QSOX1: variants seen among roughly 807,000 people sequenced by gnomAD.
The protein encoded by QSOX1 is quiescin sulfhydryl oxidase 1.
In QSOX1, 40 loss-of-function variants were observed where a neutral mutation model predicts 76.1. The observed-to-expected ratio is 0.53, with a 90% CI of 0.41 to 0.68. The LOEUF (loss-of-function observed/expected upper bound fraction) is 0.68. Among genes scored for constraint, QSOX1 ranks in the 30% least tolerant of loss-of-function variants. The probability of loss-of-function intolerance (pLI) is 0.00; values close to 1 mark genes in which losing one functional copy is unlikely to be tolerated. For synonymous variants in QSOX1, 392 were observed against 413.1 expected (o/e 0.95, Z 0.62); for missense variants, 931 against 974.3 (o/e 0.96, Z 0.59).
intron 1 of QSOX1, among the ~76,000 whole-genome samples, chr1:180,160,986 G>A (rs1662481661): frequency 6.6e-6 from 1 of 152,046 alleles, no homozygotes; most frequent in Non-Finnish European, 1.5e-5. Flanking sequence ...TGATCAACAA[G>A]GCTACAATCT....
In QSOX1 at chr1:180,167,985, C is replaced by A. The variant is rs569054378; in HGVS notation, c.366+1394C>A. Among the ~76,000 whole-genome samples, 4 of 152,322 alleles carry A rather than the reference C, an allele frequency of 2.6e-5. No homozygotes were observed. The East Asian group carries it at 7.7e-4, about 29-fold the overall frequency. On this transcript the variant is annotated intron_variant, in intron 2 of 11. Transcript: ENST00000367602. ...TCATTCACAGGCTGATATTTTTCTC[C>A]CAGTGAGCATGAGCCGCAGGGGTGC...
At chr1:180,162,692 C>T (rs1048862038) in intron 1 of QSOX1, among the ~76,000 whole-genome samples, 4 of 151,972 alleles carry the variant, frequency 2.6e-5, no homozygotes, top group South Asian at 2.1e-4. Context: ...GAGCCACGAT[C>T]GCACCACTGC....
chr1:180,184,903 A>G (rs1464998292), intron 7 of QSOX1, among the ~76,000 whole-genome samples: 1 of 152,220 alleles, frequency 6.6e-6, no homozygotes, highest in Non-Finnish European at 1.5e-5. Flanking sequence ...GGGTGGTGTA[A>G]TCATTATGAT....
chr1:180,155,099 G>T lies in QSOX1; in HGVS notation c.192G>T (p.Glu64Asp). The T allele has an allele frequency of 6.6e-7, 1 of 1,523,780 alleles. No individual in the cohort carries two copies. The allele number at this position is 1,523,780 out of a possible 1,614,324, so 94.4% of individuals were successfully genotyped here. A position where few individuals can be genotyped will look rare whatever the true frequency, so the allele number is the denominator to read the frequency against. ...GCTCCCGCAGCGCCTGGGCCGTGGA[G>T]TTCTTCGCCTCCTGGTGCGGCCACT... ...VLGSRSAWAV[E>D]FFASWCGHCI... Residue 64 changes from glutamate (E) to aspartate (D), a missense_variant, in exon 1 of 12, where the codon GAG becomes GAT. Coordinates refer to ENST00000367602, the MANE Select transcript of QSOX1 (RefSeq NM_002826.5).
intron 2 of QSOX1, among the ~76,000 whole-genome samples, chr1:180,167,448 G>A (rs553336658): frequency 1.3e-5 from 2 of 152,306 alleles, no homozygotes; most frequent in Non-Finnish European, 2.9e-5. Context: ...CCTGGAACAA[G>A]ATACCTCTGA....
At chr1:180,167,875 C>T (rs935675107) in intron 2 of QSOX1, among the ~76,000 whole-genome samples, 1 of 152,224 alleles carries the variant, frequency 6.6e-6, no homozygotes, top group African/African-American at 2.4e-5. Context: ...AATATTCAAA[C>T]AGGGCACTCT....
At chr1:180,169,473 A>G (rs753588265) in intron 2 of QSOX1, among the ~76,000 whole-genome samples, 1 of 152,196 alleles carries the variant, frequency 6.6e-6, no homozygotes, top group African/African-American at 2.4e-5. Flanking sequence ...AAAGTCACTT[A>G]TCAGTGCCCC....
At chr1:180,155,591 G>T (rs1159405520) in intron 1 of QSOX1, among the ~76,000 whole-genome samples, 1 of 152,160 alleles carries the variant, frequency 6.6e-6, no homozygotes, top group Non-Finnish European at 1.5e-5. Context: ...TTCCTGCCAG[G>T]TTCCCTAGCT....
At chr1:180,167,000 G>A (rs775548698) in intron 2 of QSOX1, among the ~76,000 whole-genome samples, 9 of 152,370 alleles carry the variant, frequency 5.9e-5, no homozygotes, top group Middle Eastern at 3.4e-3. Flanking sequence ...CAGAATGTCA[G>A]TGCCTCAGGC....
At position 180,154,972 on chromosome 1, in the gene QSOX1, T is replaced by C; in HGVS notation, c.65T>C (p.Leu22Pro). 6.6e-7 allele frequency: 1 copy of C among 1,505,994 alleles called. No homozygotes were observed. Among genetic ancestry groups the C allele is most frequent in the Non-Finnish European group, 8.8e-7 (1 of 1,135,166 alleles). The allele number at this position is 1,505,994 out of a possible 1,614,324, so 93.3% of individuals were successfully genotyped here. The change falls in exon 1 of 12, where the codon CTC becomes CCC. Residue 22 changes from leucine to proline, a missense_variant. Physicochemically the swap from Leu to Pro is moderately conservative, Grantham distance 98. Coordinates refer to ENST00000367602, the MANE Select transcript of QSOX1 (RefSeq NM_002826.5). Reference sequence around the variant, plus strand: ...CTGCTGCTGCTGCTGCTGTGGCTGCTCGCGGTTCCCGGCGCTAACGCGGCC... The same window carrying C: ...CTGCTGCTGCTGCTGCTGTGGCTGCCCGCGGTTCCCGGCGCTAACGCGGCC... Reference protein sequence around the residue: ...PSLLLLLLWLLAVPGANAAPR... With the variant: ...PSLLLLLLWLPAVPGANAAPR...
Position 180,182,137 on chromosome 1 carries a change from G to T in QSOX1, c.607-37G>T, listed in dbSNP as rs367808481. On this transcript the variant is annotated intron_variant, in intron 5 of 11. Coordinates refer to ENST00000367602, the MANE Select transcript of QSOX1 (RefSeq NM_002826.5). ...GACCCAGCCCTGGCTCCCTCCACCCGGTGGCCTGGCCCCCAGATGTTCTGC... is the reference window on the plus strand; with the variant it reads ...GACCCAGCCCTGGCTCCCTCCACCCTGTGGCCTGGCCCCCAGATGTTCTGC... 7 of 1,608,092 alleles carry T rather than the reference G, an allele frequency of 4.4e-6. 1 individual carries two copies. The highest frequency in any genetic ancestry group is 4.5e-5 in the East Asian group (2 of 44,646).
Position 180,184,039 on chromosome 1 carries a change from A to T in QSOX1, c.876A>T (p.Lys292Asn), listed in dbSNP as rs774043721. 2 of 1,614,176 alleles carry T rather than the reference A, an allele frequency of 1.2e-6. No homozygotes were observed. Among genetic ancestry groups the T allele is most frequent in the South Asian group, 2.2e-5 (2 of 91,084 alleles). Residue 292 changes from lysine (K) to asparagine (N), a missense_variant, in exon 7 of 12, where the codon AAA becomes AAT. Transcript: ENST00000367602. Reference sequence around the variant, plus strand: ...ACAAGATAGCTCCCACTGTTTGGAAATTGGCAGATCGGTAAGGCTACGCCT... The same window carrying T: ...ACAAGATAGCTCCCACTGTTTGGAATTTGGCAGATCGGTAAGGCTACGCCT... ...TANKIAPTVW[K>N]LADRSKIYMA...
chr1:180,177,052 T>A (rs1035077483), intron 4 of QSOX1, among the ~76,000 whole-genome samples: 1 of 152,146 alleles, frequency 6.6e-6, no homozygotes, highest in African/African-American at 2.4e-5. Flanking sequence ...TGGTTTGGGG[T>A]TCCACAGCCA....
chr1:180,185,758 C>A (rs1238274582), intron 7 of QSOX1, among the ~76,000 whole-genome samples: 1 of 152,186 alleles, frequency 6.6e-6, no homozygotes, highest in Non-Finnish European at 1.5e-5. Flanking sequence ...CTACTCCCTG[C>A]CAGGAGCTGC....
intron 8 of QSOX1, 120 bp downstream of exon 8, chr1:180,186,302 C>A: frequency 7.4e-7 from 1 of 1,345,640 alleles, no homozygotes; most frequent in Non-Finnish European, 1.0e-6. Context: ...GGCTGGACAC[C>A]TGGACCCACA....
At chr1:180,175,156 CA>C (rs397982130) in intron 2 of QSOX1, among the ~76,000 whole-genome samples, 164 bp from the exon 3 acceptor site, 119 of 136,688 alleles carry the variant, frequency 8.7e-4, no homozygotes, top group African/African-American at 1.9e-3. Flanking sequence ...GACTCTGTCT[CA>C]AAAAAAAAAA....
At position 180,160,829 on chromosome 1, in the gene QSOX1, A is replaced by G. The variant is rs74132555; in HGVS notation, c.265+5657A>G. Among the ~76,000 whole-genome samples the G allele has an allele frequency of 6.4e-3, 975 of 152,294 alleles. 12 individuals carry two copies. Among genetic ancestry groups the G allele is most frequent in the African/African-American group, 0.022 (913 of 41,554 alleles). ...GCATGAGACTTGTCCCTTGAAATGT[A>G]TATCAAGTTGTTCAGCTTCTGTTTA... On this transcript the variant is annotated intron_variant, in intron 1 of 11. Transcript: ENST00000367602.
intron 1 of QSOX1, among the ~76,000 whole-genome samples, chr1:180,159,304 AT>A (rs1662442010): frequency 6.6e-6 from 1 of 152,244 alleles, no homozygotes; most frequent in African/African-American, 2.4e-5. Flanking sequence ...GGTGTTAGGC[AT>A]TTAAGACACC....
rs924322864 is a variant in QSOX1, at chr1:180,197,590, G to A, written c.*553G>A. The A allele has an allele frequency of 4.6e-5, 26 of 570,684 alleles. No individual in the cohort carries two copies. In the Admixed American group the frequency reaches 5.9e-4, roughly 13 times the overall value. The allele number at this position is 570,684 out of a possible 1,614,324, so 35.4% of individuals were successfully genotyped here. ...CAGCTCCTCAGACCTCCTGGGTGGG[G>A]TTTGGCTTCAGGGTGGGGTTTGGAA... On this transcript the variant is annotated 3_prime_UTR_variant, in exon 12 of 12. Coordinates refer to ENST00000367602, the MANE Select transcript of QSOX1 (RefSeq NM_002826.5).
Sources: allele counts gnomAD v4.1 joint callset (sites outside exome capture counted in the v4.1 genomes callset), GRCh38; gene constraint gnomAD v4.1.1; transcripts MANE v1.5; gene names NCBI Gene and HGNC (gene_info 2026-07-23, HGNC 2026-07-21).